Variants in NR4A3 observed in about 807,000 individuals in gnomAD.
The protein encoded by NR4A3 is nuclear receptor subfamily 4 group A member 3.
Under a neutral mutation model 55.6 loss-of-function variants are expected in NR4A3, and 13 were observed. The ratio of observed to expected loss-of-function variants is 0.23; its 90% CI spans 0.15 to 0.37. NR4A3 has a LOEUF of 0.37. Ranked by LOEUF, NR4A3 falls within the 10% of genes least tolerant of loss-of-function variation. The pLI, the probability that NR4A3 is intolerant of heterozygous loss-of-function variation, is 1.00. For synonymous variants in NR4A3, 342 were observed against 357.9 expected (o/e 0.96, Z 0.50); for missense variants, 646 against 822.8 (o/e 0.79, Z 2.63).
intron 7 of NR4A3, among the ~76,000 whole-genome samples, chr9:99,851,351 G>A (rs1221817088): frequency 3.9e-5 from 6 of 152,116 alleles, no homozygotes; most frequent in African/African-American, 1.4e-4. Flanking sequence ...AAGCTTCGTT[G>A]ATCATAAATG....
At chr9:99,841,230 C>G (rs796556251) in intron 5 of NR4A3, among the ~76,000 whole-genome samples, 1 of 94,780 alleles carries the variant, frequency 1.1e-5, no homozygotes, top group Non-Finnish European at 2.2e-5. Flanking sequence ...ACTCTGTCTC[C>G]GAAAAAAAAA....
At position 99,863,698 on chromosome 9, in the gene NR4A3, G is replaced by A. The variant is rs146846581; in HGVS notation, c.1712G>A (p.Ser571Asn). The A allele has an allele frequency of 4.2e-4, 674 of 1,613,924 alleles. No individual in the cohort carries two copies. The highest frequency in any genetic ancestry group is 4.9e-4 in the Middle Eastern group (3 of 6,082). ...KITSSLKDHQ[S>N]KGQALEPTES... ...ACAAGCAGTTTAAAAGACCACCAGA[G>A]TAAGGGACAGGCTCTGGAGCCCACC... The change falls in exon 8 of 8, where the codon AGT (serine) becomes AAT (asparagine). Residue 571 changes from serine to asparagine, a missense_variant. Ser to Asn is a conservative substitution (Grantham distance 46). Around this residue, in one of 5 missense-constraint regions of NR4A3, gnomAD observed 163 missense variants for 233.0 expected, o/e 0.70. Coordinates refer to ENST00000395097, the MANE Select transcript of NR4A3 (RefSeq NM_006981.4).
In NR4A3 at chr9:99,828,656, C is replaced by G. The variant is rs1466169303; in HGVS notation, c.614C>G (p.Pro205Arg). 3 of 1,422,382 alleles carry G rather than the reference C, an allele frequency of 2.1e-6. No individual in the cohort carries two copies. In the African/African-American group the frequency reaches 4.5e-5, roughly 21 times the overall value. The allele number at this position is 1,422,382 out of a possible 1,614,324, so 88.1% of individuals were successfully genotyped here. The change falls in exon 3 of 8, where the codon CCG (proline) becomes CGG (arginine). Residue 205 changes from proline (P) to arginine (R), a missense_variant. Coordinates refer to ENST00000395097, the MANE Select transcript of NR4A3 (RefSeq NM_006981.4). This position sits in a 1 kb window ranked among gnomAD's most constrained non-coding sequence, Gnocchi z 7.7. ...PSPPHPPAPS[P>R]AGGHHLGYDP... Reference sequence around the variant, plus strand: ...CCGCCGCATCCCCCCGCGCCCAGCCCGGCCGGCGGCCACCACCTCGGCTAC... The same window carrying G: ...CCGCCGCATCCCCCCGCGCCCAGCCGGGCCGGCGGCCACCACCTCGGCTAC...
chr9:99,844,966 A>G, intron 6 of NR4A3, 118 bp downstream of exon 6: 1 of 827,480 alleles, frequency 1.2e-6, no homozygotes, highest in East Asian at 2.6e-5. Flanking sequence ...AAATATGATC[A>G]GGCACTAAAA....
intron 7 of NR4A3, among the ~76,000 whole-genome samples, chr9:99,857,623 A>G (rs752649726): frequency 1.3e-5 from 2 of 152,054 alleles, no homozygotes; most frequent in Middle Eastern, 3.2e-3. Flanking sequence ...CTTCTCTACT[A>G]AAAATACAAA....
intron 6 of NR4A3, among the ~76,000 whole-genome samples, chr9:99,847,072 C>CTCA: frequency 6.6e-6 from 1 of 152,296 alleles, no homozygotes; most frequent in East Asian, 1.9e-4. Flanking sequence ...AGGGAACAGT[C>CTCA]TCATGTTCAT....
chr9:99,836,916 G>T (rs962558847), intron 5 of NR4A3, among the ~76,000 whole-genome samples: 2 of 152,188 alleles, frequency 1.3e-5, no homozygotes, highest in Admixed American at 1.3e-4. Flanking sequence ...GGGGTGAGAT[G>T]ATATGTCCTT....
At position 99,825,693 on chromosome 9, in the gene NR4A3, G is replaced by C. The variant is rs1234405046; in HGVS notation, c.-142G>C. ...CGGAAGAGGGCAGCCCGGCAAGCCC[G>C]GGCCCTGAGCCTGGACCCTTAGCGG... On this transcript the variant is annotated 5_prime_UTR_variant, in exon 2 of 8. Coordinates refer to ENST00000395097, the MANE Select transcript of NR4A3 (RefSeq NM_006981.4). The surrounding 1 kb of genome is among the most constrained non-coding windows in gnomAD (Gnocchi z 5.0). The C allele has an allele frequency of 6.3e-6, 1 of 158,874 alleles. No homozygotes were observed. The highest frequency in any genetic ancestry group is 1.4e-5 in the Non-Finnish European group (1 of 71,700). 9.8% of individuals were successfully genotyped at this position (158,874 alleles called of 1,614,324 possible). A position where few individuals can be genotyped will look rare whatever the true frequency, so the allele number is the denominator to read the frequency against.
At chr9:99,833,666 G>C (rs1827491903) in intron 5 of NR4A3, 1 of 1,583,966 alleles carries the variant, frequency 6.3e-7, no homozygotes, top group African/African-American at 1.3e-5. Context: ...CTTAACAAGT[G>C]ACCCTGACAG....
chr9:99,839,849 T>C (rs1265739113), intron 5 of NR4A3, among the ~76,000 whole-genome samples: 1 of 152,214 alleles, frequency 6.6e-6, no homozygotes, highest in African/African-American at 2.4e-5. Flanking sequence ...CTAGATTTTC[T>C]TTGTCAAACC....
At chr9:99,833,084 A>G (rs1827478099) in intron 4 of NR4A3, among the ~76,000 whole-genome samples, 198 bp from the exon 5 acceptor site, 1 of 152,234 alleles carries the variant, frequency 6.6e-6, no homozygotes, top group Admixed American at 6.5e-5. Flanking sequence ...AAATGTAAAT[A>G]TCGGTGGCTT....
intron 3 of NR4A3, among the ~76,000 whole-genome samples, chr9:99,831,038 A>C (rs1175790030): frequency 1.3e-5 from 2 of 152,216 alleles, no homozygotes; most frequent in African/African-American, 4.8e-5. Flanking sequence ...GGTTTTACCC[A>C]GTGGCTTTCT....
chr9:99,842,578 A>G (rs1363292537), intron 5 of NR4A3, among the ~76,000 whole-genome samples: 4 of 152,184 alleles, frequency 2.6e-5, no homozygotes, highest in Non-Finnish European at 4.4e-5. Context: ...TAAAAATACA[A>G]AAGTTAGCCA....
intron 5 of NR4A3, among the ~76,000 whole-genome samples, chr9:99,837,113 G>A (rs1172506112): frequency 6.6e-6 from 1 of 152,022 alleles, no homozygotes; most frequent in Non-Finnish European, 1.5e-5. Context: ...CTTGTCGGAT[G>A]GATAGTTTGC....
At chr9:99,860,144 A>G (rs879472040) in intron 7 of NR4A3, among the ~76,000 whole-genome samples, 2 of 152,132 alleles carry the variant, frequency 1.3e-5, no homozygotes, top group Admixed American at 1.3e-4. Flanking sequence ...TATATGAAGA[A>G]ATAATTTTTG....
chr9:99,826,090 C>G (rs887879880), intron 2 of NR4A3, among the ~76,000 whole-genome samples: 6 of 152,160 alleles, frequency 3.9e-5, no homozygotes, highest in Admixed American at 2.0e-4. Flanking sequence ...ACAAATACAC[C>G]AATAGATTAG....
chr9:99,830,702 C>G (rs781496156), intron 3 of NR4A3, among the ~76,000 whole-genome samples: 2 of 152,184 alleles, frequency 1.3e-5, no homozygotes, highest in Non-Finnish European at 2.9e-5. Context: ...GAGCTACTTT[C>G]AAGTAACTGC....
chr9:99,857,558 A>G lies in NR4A3; in HGVS notation c.1634-6062A>G, dbSNP rs796645494. On this transcript the variant is annotated intron_variant, in intron 7 of 7. Transcript: ENST00000395097. ...TCCTAGCACTTTGGGAGGCCAAGGC[A>G]GGCGGATCACAAGGTCAAGAGATGG... Among the ~76,000 whole-genome samples, 10 of 152,106 alleles carry G rather than the reference A, an allele frequency of 6.6e-5. No individual in the cohort carries two copies. In the East Asian group the frequency reaches 1.7e-3, roughly 27 times the overall value.
Position 99,865,508 on chromosome 9 carries a change from G to C in NR4A3, c.*1641G>C, listed in dbSNP as rs1045065488. 4.9e-5 allele frequency: 9 copies of C among 183,482 alleles called. No homozygotes were observed. The highest frequency in any genetic ancestry group is 2.1e-4 in the African/African-American group (9 of 42,496). The allele number at this position is 183,482 out of a possible 1,614,324, so 11.4% of individuals were successfully genotyped here. A position where few individuals can be genotyped will look rare whatever the true frequency, so the allele number is the denominator to read the frequency against. ...TTCGAATAATGTTTGAAGATTTTTAGGTCTAAAAGTCTTTATATTATATAC... is the reference window on the plus strand; with the variant it reads ...TTCGAATAATGTTTGAAGATTTTTACGTCTAAAAGTCTTTATATTATATAC... On this transcript the variant is annotated 3_prime_UTR_variant, in exon 8 of 8. Transcript: ENST00000395097. The surrounding 1 kb of genome is among the most constrained non-coding windows in gnomAD (Gnocchi z 4.3).
Sources: gnomAD v4.1 joint callset for allele counts (sites outside exome capture counted in the v4.1 genomes callset) on GRCh38, gnomAD v4.1.1 for gene constraint, gnomAD v4.1.1 regional missense constraint, Gnocchi (gnomAD v3.1) non-coding constraint, MANE v1.5 for transcripts, NCBI Gene and HGNC (gene_info 2026-07-23, HGNC 2026-07-21) for gene names.